CAB39: variants seen among roughly 807,000 people sequenced by gnomAD.
CAB39 encodes calcium-binding protein 39.
CAB39 carries 8 observed loss-of-function variants against 40.0 expected under a neutral mutation model. The observed-to-expected ratio is 0.20, with a 90% CI of 0.12 to 0.36. The LOEUF (loss-of-function observed/expected upper bound fraction) is 0.36. CAB39 is among the 10% of genes least tolerant of loss of function. The pLI, the probability that CAB39 is intolerant of heterozygous loss-of-function variation, is 1.00. For synonymous variants in CAB39, 156 were observed against 141.6 expected, an observed-to-expected ratio of 1.10 and a Z score of -0.72; for missense variants, 270 against 401.1, an observed-to-expected ratio of 0.67 and a Z score of 2.79.
At chr2:230,719,141 A>C (rs747040527) in intron 1 of CAB39, among the ~76,000 whole-genome samples, 1 of 152,232 alleles carries the variant, frequency 6.6e-6, no homozygotes, top group Non-Finnish European at 1.5e-5. Flanking sequence ...ATAGACAAAG[A>C]ATCAAGGAAA....
chr2:230,795,746 C>A (rs1342180903), intron 4 of CAB39, among the ~76,000 whole-genome samples: 1 of 152,118 alleles, frequency 6.6e-6, no homozygotes, highest in Non-Finnish European at 1.5e-5. Flanking sequence ...TCTGTTATTT[C>A]TTCTTCATAT....
chr2:230,766,867 AT>A (rs932654787), intron 2 of CAB39, among the ~76,000 whole-genome samples: 8 of 152,200 alleles, frequency 5.3e-5, no homozygotes, highest in Non-Finnish European at 2.9e-5. Context: ...GGGAACAGAT[AT>A]CCCAATCATA....
intron 2 of CAB39, among the ~76,000 whole-genome samples, chr2:230,785,980 C>G (rs892392763): frequency 6.6e-6 from 1 of 151,298 alleles, no homozygotes; most frequent in Non-Finnish European, 1.5e-5. Flanking sequence ...CTGGCTAACA[C>G]GGTGAAACCC....
chr2:230,751,894 T>G (rs762327853), intron 1 of CAB39, among the ~76,000 whole-genome samples: 1 of 152,174 alleles, frequency 6.6e-6, no homozygotes, highest in Non-Finnish European at 1.5e-5. Flanking sequence ...ACTTTCACTT[T>G]TCTACCTTAT....
chr2:230,778,875 A>T (rs184893588), intron 2 of CAB39: 1 of 152,188 alleles, frequency 6.6e-6, no homozygotes, highest in South Asian at 2.1e-4. Context: ...ATCTAAACAT[A>T]GAAAAGGTAC....
At chr2:230,781,896 G>A (rs1047263435) in intron 2 of CAB39, among the ~76,000 whole-genome samples, 2 of 152,044 alleles carry the variant, frequency 1.3e-5, no homozygotes, top group Non-Finnish European at 2.9e-5. Context: ...ACACAGTCTC[G>A]CTCTGTCACC....
chr2:230,809,559 C>A (rs768310128), intron 5 of CAB39, among the ~76,000 whole-genome samples: 3 of 152,102 alleles, frequency 2.0e-5, no homozygotes, highest in Non-Finnish European at 4.4e-5. Flanking sequence ...ATCTTTTTGT[C>A]TTTGAAGCCC....
At chr2:230,780,924 A>ATT in intron 2 of CAB39, among the ~76,000 whole-genome samples, 1 of 152,186 alleles carries the variant, frequency 6.6e-6, no homozygotes, top group African/African-American at 2.4e-5. Flanking sequence ...GCTACAGAAA[A>ATT]TTTAAAACGT....
At chr2:230,756,238 A>C (rs1434771859) in intron 1 of CAB39, among the ~76,000 whole-genome samples, 2 of 152,246 alleles carry the variant, frequency 1.3e-5, no homozygotes, top group African/African-American at 4.8e-5. Flanking sequence ...TACTTACACA[A>C]ACCTAGATAG....
intron 1 of CAB39, among the ~76,000 whole-genome samples, chr2:230,738,796 T>C (rs1011492783): frequency 1.3e-5 from 2 of 152,238 alleles, no homozygotes; most frequent in African/African-American, 2.4e-5. Context: ...TGCTTAGACC[T>C]TGAAGGAGAG....
At chr2:230,725,373 C>T (rs1023241541) in intron 1 of CAB39, 46 of 1,599,086 alleles carry the variant, frequency 2.9e-5, no homozygotes, top group East Asian at 4.5e-5. Context: ...GGCTCTGCCA[C>T]GAAGTCTCGG....
chr2:230,737,634 A>G (rs565640983), intron 1 of CAB39, among the ~76,000 whole-genome samples: 11 of 152,362 alleles, frequency 7.2e-5, no homozygotes, highest in African/African-American at 2.4e-4. Context: ...TCTTCTGCCA[A>G]AATAGTAAAG....
intron 5 of CAB39, among the ~76,000 whole-genome samples, chr2:230,799,460 C>A (rs528619450): frequency 4.6e-5 from 7 of 152,270 alleles, no homozygotes; most frequent in African/African-American, 1.7e-4. Context: ...AATGTATCTT[C>A]CCCGCTCCCC....
At chr2:230,808,480 C>G (rs530884024) in intron 5 of CAB39, among the ~76,000 whole-genome samples, 2 of 152,172 alleles carry the variant, frequency 1.3e-5, no homozygotes, top group East Asian at 3.8e-4. Flanking sequence ...GATAACATTC[C>G]CCTTCAGGTC....
chr2:230,739,063 T>C (rs1295662339), intron 1 of CAB39, among the ~76,000 whole-genome samples: 1 of 152,200 alleles, frequency 6.6e-6, no homozygotes, highest in Non-Finnish European at 1.5e-5. Context: ...TTAGGTATTC[T>C]TTTAAAGGAA....
At chr2:230,786,565 G>C (rs962102269) in intron 2 of CAB39, among the ~76,000 whole-genome samples, 6 of 152,016 alleles carry the variant, frequency 3.9e-5, no homozygotes, top group Non-Finnish European at 7.4e-5. Flanking sequence ...CTCATCTTTT[G>C]CTGTCAGAAT....
chr2:230,779,831 G>A (rs530783825), intron 2 of CAB39, among the ~76,000 whole-genome samples: 62 of 152,350 alleles, frequency 4.1e-4, no homozygotes, highest in Non-Finnish European at 3.1e-4. Context: ...TCATGGGAGG[G>A]AGGAGAGTCT....
chr2:230,716,724 G>A (rs543388235), intron 1 of CAB39, among the ~76,000 whole-genome samples: 7 of 152,200 alleles, frequency 4.6e-5, no homozygotes, highest in Admixed American at 1.3e-4. Flanking sequence ...AGGTCAGGCC[G>A]AGCGGGGTAG....
At chr2:230,784,407 G>A (rs1166899023) in intron 2 of CAB39, among the ~76,000 whole-genome samples, 5 of 152,170 alleles carry the variant, frequency 3.3e-5, no homozygotes, top group Non-Finnish European at 4.4e-5. Flanking sequence ...TTAGAGATAG[G>A]AATCTATGAG....
Sources: allele counts gnomAD v4.1 joint callset (sites outside exome capture counted in the v4.1 genomes callset), GRCh38; gene constraint gnomAD v4.1.1; transcripts MANE v1.5; gene names NCBI Gene and HGNC (gene_info 2026-07-23, HGNC 2026-07-21).